EGFR: variants seen among roughly 807,000 people sequenced by gnomAD.
The protein encoded by EGFR is epidermal growth factor receptor.
Under a neutral mutation model 143.0 loss-of-function variants are expected in EGFR, and 58 were observed. That is an observed-to-expected ratio of 0.41 (90% CI 0.33 to 0.50). The LOEUF (loss-of-function observed/expected upper bound fraction) is 0.50, where lower values mean the gene tolerates loss of function less well. Ranked by LOEUF, EGFR falls within the 20% of genes least tolerant of loss-of-function variation. EGFR has a pLI of 0.39. For missense variants in EGFR, 1,307 were observed against 1,579.0 expected, an observed-to-expected ratio of 0.83 and a Z score of 2.92; for synonymous variants, 613 against 594.4, an observed-to-expected ratio of 1.03 and a Z score of -0.45.
At chr7:55,154,372 C>T (rs1785307780) in intron 7 of EGFR, among the ~76,000 whole-genome samples, 1 of 152,236 alleles carries the variant, frequency 6.6e-6, no homozygotes, top group Non-Finnish European at 1.5e-5. Context: ...CCCATGGGGG[C>T]TGCTCAGTGC....
chr7:55,166,260 C>A, intron 15 of EGFR: 1 of 562,642 alleles, frequency 1.8e-6, no homozygotes, highest in East Asian at 3.5e-5. Flanking sequence ...AAACTGGATC[C>A]CACTCAACAA....
chr7:55,035,851 G>A (rs1465880467), intron 1 of EGFR, among the ~76,000 whole-genome samples: 1 of 152,004 alleles, frequency 6.6e-6, no homozygotes, highest in Non-Finnish European at 1.5e-5. Context: ...AATCTACTGG[G>A]AGGTCCTATC....
chr7:55,163,653 T>C (rs1785814680), intron 13 of EGFR, 80 bp from the exon 14 acceptor site: 1 of 1,232,920 alleles, frequency 8.1e-7, no homozygotes, highest in Non-Finnish European at 1.2e-6. Context: ...TCAAGTTATT[T>C]GGAATTTTGA....
chr7:55,195,289 A>G (rs930367197), intron 22 of EGFR, among the ~76,000 whole-genome samples: 5 of 152,194 alleles, frequency 3.3e-5, no homozygotes, highest in Admixed American at 2.6e-4. Flanking sequence ...TATTCTGTGT[A>G]TTAATTCAGG....
Position 55,104,576 on chromosome 7 carries a change from C to A in EGFR, c.89-37710C>A, listed in dbSNP as rs1321515420. Among the ~76,000 whole-genome samples the A allele has an allele frequency of 4.6e-5, 7 of 152,260 alleles. 1 individual carries two copies. The South Asian group carries it at 1.5e-3, about 32-fold the overall frequency. On this transcript the variant is annotated intron_variant, in intron 1 of 27. Transcript: ENST00000275493. ...CAGGGATGCATATGGCACTGTCTAC[C>A]GCATGCGGTAACTGTTTCACAAATG...
chr7:55,077,165 G>A (rs150288218), intron 1 of EGFR, among the ~76,000 whole-genome samples: 47 of 152,050 alleles, frequency 3.1e-4, no homozygotes, highest in African/African-American at 9.9e-4. Flanking sequence ...ATGGTATTTC[G>A]GTCAGATCTT....
At chr7:55,172,812 C>T (rs562233111) in intron 16 of EGFR, 171 bp from the exon 17 acceptor site, 18 of 1,539,914 alleles carry the variant, frequency 1.2e-5, no homozygotes, top group African/African-American at 2.7e-5. Flanking sequence ...AAGTTGGAAA[C>T]GTTGCCTTAG....
intron 1 of EGFR, among the ~76,000 whole-genome samples, chr7:55,140,677 C>T (rs557126111): frequency 1.5e-3 from 230 of 152,264 alleles, no homozygotes; most frequent in African/African-American, 2.1e-3. Context: ...AGACCAGAGA[C>T]GCTGGGTCAA....
At position 55,096,891 on chromosome 7, in the gene EGFR, A is replaced by T. The variant is rs77659484; in HGVS notation, c.89-45395A>T. 7.9e-4 allele frequency among the ~76,000 whole-genome samples: 121 copies of T among 152,286 alleles called. 2 individuals are homozygous for T. The highest frequency in any genetic ancestry group is 6.8e-3 in the East Asian group (35 of 5,174). ...CAGCCGAGGTTCTATATTAAAATACAGAGGCTAGCACATGTGCTTGGGGAA... is the reference window on the plus strand; with the variant it reads ...CAGCCGAGGTTCTATATTAAAATACTGAGGCTAGCACATGTGCTTGGGGAA... On this transcript the variant is annotated intron_variant, in intron 1 of 27. Transcript: ENST00000275493.
intron 23 of EGFR, among the ~76,000 whole-genome samples, chr7:55,199,886 A>G (rs1394015959): frequency 6.6e-6 from 1 of 152,210 alleles, no homozygotes; most frequent in Non-Finnish European, 1.5e-5. Flanking sequence ...CCCAACCCCA[A>G]ATTCTTTAAA....
chr7:55,194,265 C>CA (rs1327157181), intron 22 of EGFR, among the ~76,000 whole-genome samples: 8 of 148,206 alleles, frequency 5.4e-5, no homozygotes, highest in Admixed American at 5.4e-4. Flanking sequence ...CTTGCCCTGT[C>CA]ACCCAGGCTG....
At chr7:55,031,498 A>G (rs1010840515) in intron 1 of EGFR, among the ~76,000 whole-genome samples, 1 of 137,758 alleles carries the variant, frequency 7.3e-6, no homozygotes, top group African/African-American at 2.8e-5. Flanking sequence ...GATGCAGAGT[A>G]GTGACGTGCC....
At chr7:55,164,228 G>A (rs1446810136) in intron 14 of EGFR, among the ~76,000 whole-genome samples, 1 of 152,036 alleles carries the variant, frequency 6.6e-6, no homozygotes, top group Non-Finnish European at 1.5e-5. Context: ...TTTTTAAACT[G>A]CACAACTTTG....
At chr7:55,052,237 C>A (rs1788532307) in intron 1 of EGFR, among the ~76,000 whole-genome samples, 1 of 152,210 alleles carries the variant, frequency 6.6e-6, no homozygotes, top group Admixed American at 6.5e-5. Context: ...TGAGCCAGTG[C>A]AGCACATCTA....
intron 1 of EGFR, among the ~76,000 whole-genome samples, chr7:55,110,473 G>A (rs1424575380): frequency 6.6e-6 from 1 of 152,218 alleles, no homozygotes; most frequent in Non-Finnish European, 1.5e-5. Flanking sequence ...GGCGGACAGA[G>A]GCTGGGCAAA....
intron 20 of EGFR, chr7:55,181,902 T>C (rs1786896714): frequency 1.4e-5 from 4 of 289,094 alleles, no homozygotes; most frequent in Admixed American, 4.8e-5. Context: ...GCAGGTGCCT[T>C]GCAGGAGGCC....
At chr7:55,135,582 A>G (rs1794089269) in intron 1 of EGFR, among the ~76,000 whole-genome samples, 1 of 152,312 alleles carries the variant, frequency 6.6e-6, no homozygotes, top group Non-Finnish European at 1.5e-5. Flanking sequence ...CTTCAAAATT[A>G]TGACTTTTTC....
intron 1 of EGFR, among the ~76,000 whole-genome samples, chr7:55,097,406 A>T (rs1337087582): frequency 6.6e-6 from 1 of 152,238 alleles, no homozygotes; most frequent in Non-Finnish European, 1.5e-5. Flanking sequence ...TTAATAGGAA[A>T]CAATAAAACT....
intron 1 of EGFR, among the ~76,000 whole-genome samples, chr7:55,037,424 C>A (rs1787652106): frequency 6.6e-6 from 1 of 152,144 alleles, no homozygotes; most frequent in Non-Finnish European, 1.5e-5. Flanking sequence ...AAGGTGGTCA[C>A]GAGAAGCCGG....
Sources: allele counts gnomAD v4.1 joint callset (sites outside exome capture counted in the v4.1 genomes callset), GRCh38; gene constraint gnomAD v4.1.1; transcripts MANE v1.5; gene names NCBI Gene and HGNC (gene_info 2026-07-23, HGNC 2026-07-21).